The following NDE1 variants were observed in gnomAD, a reference collection of about 807,000 sequenced individuals.
The protein encoded by NDE1 is nudE neurodevelopment protein 1.
NDE1 carries 28 observed loss-of-function variants against 43.4 expected under a neutral mutation model. That is an observed-to-expected ratio of 0.65 (90% CI 0.48 to 0.89). NDE1 has a LOEUF of 0.89. Among genes scored for constraint, NDE1 ranks in the 40% least tolerant of loss-of-function variants. The probability of loss-of-function intolerance (pLI) is 0.00; values close to 1 mark genes in which losing one functional copy is unlikely to be tolerated. For missense variants in NDE1, 441 were observed against 434.1 expected (o/e 1.02, Z -0.14); for synonymous variants, 184 against 172.0 (o/e 1.07, Z -0.55).
chr16:15,716,996 C>T (rs1193471269), intron 8 of NDE1: 8 of 950,968 alleles, frequency 8.4e-6, no homozygotes, highest in South Asian at 6.5e-5. Context: ...GTTCAGTTCT[C>T]ACAACATACC....
In NDE1 at chr16:15,674,544, C is replaced by T. The variant is rs528370367; in HGVS notation, c.238-3257C>T. Among the ~76,000 whole-genome samples the T allele has an allele frequency of 1.4e-4, 22 of 152,202 alleles. No homozygotes were observed. In the South Asian group the frequency reaches 2.1e-3, roughly 14 times the overall value. On this transcript the variant is annotated intron_variant, in intron 3 of 8. Coordinates refer to ENST00000396354, the MANE Select transcript of NDE1 (RefSeq NM_017668.3). ...GATTACAGGTGTGGGTCACTGCTCC[C>T]GGCCTGTCTTTGTTTTTAAACCCAG...
chr16:15,681,926 C>T (rs2038202957), intron 4 of NDE1, among the ~76,000 whole-genome samples: 1 of 152,132 alleles, frequency 6.6e-6, no homozygotes, highest in South Asian at 2.1e-4. Context: ...GTTGGCCAGG[C>T]TGGTATTTGA....
intron 3 of NDE1, chr16:15,672,692 T>C (rs2151465289): frequency 6.6e-6 from 1 of 152,318 alleles, no homozygotes; most frequent in Non-Finnish European, 1.5e-5. Context: ...GTCCACAGGT[T>C]CCGAGGAGAT....
At chr16:15,702,974 G>C (rs1363980344) in intron 8 of NDE1, among the ~76,000 whole-genome samples, 1 of 152,106 alleles carries the variant, frequency 6.6e-6, no homozygotes, top group Admixed American at 6.6e-5. Flanking sequence ...CTGGCTGGCT[G>C]TGGGGTTGTA....
chr16:15,677,206 T>G (rs1212101443), intron 3 of NDE1, among the ~76,000 whole-genome samples: 1 of 152,056 alleles, frequency 6.6e-6, no homozygotes, highest in Non-Finnish European at 1.5e-5. Context: ...TGAGCCTGGC[T>G]TGTCTCCCGA....
chr16:15,661,791 C>A (rs987970364), intron 1 of NDE1, among the ~76,000 whole-genome samples: 1 of 152,056 alleles, frequency 6.6e-6, no homozygotes, highest in Non-Finnish European at 1.5e-5. Context: ...TGGCGGCACC[C>A]AATTGCCTAA....
intron 8 of NDE1, chr16:15,718,519 G>A: frequency 6.6e-7 from 1 of 1,515,584 alleles, no homozygotes; most frequent in Non-Finnish European, 8.8e-7. Flanking sequence ...CATGCCTCAG[G>A]GGTATTGCCC....
chr16:15,724,750 A>G lies in NDE1; in HGVS notation c.*499A>G. On this transcript the variant is annotated 3_prime_UTR_variant, in exon 9 of 9. Coordinates refer to ENST00000396354, the MANE Select transcript of NDE1 (RefSeq NM_017668.3). ...GTTCCGCTCCTCCTCCAGCTGGCGCAGCTTCGTAGACACGTTGAGCTTCTG... is the reference window on the plus strand; with the variant it reads ...GTTCCGCTCCTCCTCCAGCTGGCGCGGCTTCGTAGACACGTTGAGCTTCTG... 1 of 1,614,156 alleles carries G rather than the reference A, an allele frequency of 6.2e-7. No homozygotes were observed. The highest frequency in any genetic ancestry group is 8.5e-7 in the Non-Finnish European group (1 of 1,180,034).
intron 1 of NDE1, among the ~76,000 whole-genome samples, chr16:15,662,810 C>T (rs1196410800): frequency 6.6e-6 from 1 of 152,098 alleles, no homozygotes; most frequent in Non-Finnish European, 1.5e-5. Flanking sequence ...AACTCCCAGG[C>T]TCAAGCGATC....
rs2040261929 is a variant in NDE1, at chr16:15,718,073, G to C, written c.948-6118G>C. On this transcript the variant is annotated intron_variant, in intron 8 of 8. Transcript: ENST00000396354. ...ACTCCAGGGATGGCCGTGAGGTACGGGGAGCCAGCCACGCCGTGGCTGGAA... is the reference window on the plus strand; with the variant it reads ...ACTCCAGGGATGGCCGTGAGGTACGCGGAGCCAGCCACGCCGTGGCTGGAA... 3.3e-6 allele frequency: 2 copies of C among 612,898 alleles called. 1 individual carries two copies. The highest frequency in any genetic ancestry group is 5.9e-5 in the Admixed American group (2 of 33,918). The allele number at this position is 612,898 out of a possible 1,614,324, so 38.0% of individuals were successfully genotyped here.
chr16:15,711,426 A>G (rs1033422605), intron 8 of NDE1, among the ~76,000 whole-genome samples: 2 of 152,320 alleles, frequency 1.3e-5, no homozygotes, highest in East Asian at 1.9e-4. Flanking sequence ...TGTGGCCACA[A>G]TAGCTAGATA....
chr16:15,703,507 G>A (rs2039294771), intron 8 of NDE1: 1 of 288,680 alleles, frequency 3.5e-6, no homozygotes. Context: ...ACTGGAGGAT[G>A]TGTCTGTGTT....
Position 15,724,978 on chromosome 16 carries a change from G to T in NDE1, c.*727G>T, listed in dbSNP as rs140339691. Reference sequence around the variant, plus strand: ...CGGCCTCGTTAAGCATCCCTGTGACGCTCTCAACTTCATTCTAAGGGTGCC... The same window carrying T: ...CGGCCTCGTTAAGCATCCCTGTGACTCTCTCAACTTCATTCTAAGGGTGCC... On this transcript the variant is annotated 3_prime_UTR_variant, in exon 9 of 9. Transcript: ENST00000396354. 1.9e-6 allele frequency: 3 copies of T among 1,613,862 alleles called. No individual in the cohort carries two copies. Among genetic ancestry groups the T allele is most frequent in the Non-Finnish European group, 2.5e-6 (3 of 1,179,970 alleles).
chr16:15,655,718 T>C (rs1220385835), intron 1 of NDE1, among the ~76,000 whole-genome samples: 1 of 151,986 alleles, frequency 6.6e-6, no homozygotes, highest in Non-Finnish European at 1.5e-5. Flanking sequence ...AGCAAAGACT[T>C]GGAACCAACC....
At chr16:15,676,003 A>G (rs943436375) in intron 3 of NDE1, among the ~76,000 whole-genome samples, 5 of 152,086 alleles carry the variant, frequency 3.3e-5, no homozygotes, top group Admixed American at 3.3e-4. Flanking sequence ...GTGGCACAGA[A>G]TAAGTATGTA....
Position 15,650,281 on chromosome 16 carries a change from C to A in NDE1, c.-57C>A. The A allele has an allele frequency of 3.2e-6, 1 of 315,530 alleles. No individual in the cohort carries two copies. The highest frequency in any genetic ancestry group is 6.5e-6 in the Non-Finnish European group (1 of 153,018). 19.5% of individuals were successfully genotyped at this position (315,530 alleles called of 1,614,324 possible). On this transcript the variant is annotated 5_prime_UTR_variant, in exon 1 of 9. Coordinates refer to ENST00000396354, the MANE Select transcript of NDE1 (RefSeq NM_017668.3). ...TGCCGCCGCCGCCGCGTTGGCCTCGCCGCCCCTGCTCGGGTAAGTGAGGCG... is the reference window on the plus strand; with the variant it reads ...TGCCGCCGCCGCCGCGTTGGCCTCGACGCCCCTGCTCGGGTAAGTGAGGCG...
intron 8 of NDE1, chr16:15,700,158 G>A (rs1272997944): frequency 1.2e-5 from 12 of 1,016,172 alleles, no homozygotes; most frequent in Non-Finnish European, 1.3e-5. Flanking sequence ...GTGTGGTGGC[G>A]TGATCTCAGC....
intron 1 of NDE1, among the ~76,000 whole-genome samples, chr16:15,656,958 T>C (rs1462949019): frequency 6.6e-6 from 1 of 152,188 alleles, no homozygotes; most frequent in African/African-American, 2.4e-5. Context: ...CATTGGATCT[T>C]GCACATCTTT....
At chr16:15,702,278 T>G (rs2039244623) in intron 8 of NDE1, among the ~76,000 whole-genome samples, 2 of 152,260 alleles carry the variant, frequency 1.3e-5, no homozygotes. Flanking sequence ...CTTGTTTTTA[T>G]GGCCCTTACT....
Sources: allele counts gnomAD v4.1 joint callset (sites outside exome capture counted in the v4.1 genomes callset), GRCh38; gene constraint gnomAD v4.1.1; transcripts MANE v1.5; gene names NCBI Gene and HGNC (gene_info 2026-07-23, HGNC 2026-07-21).